Variants in SLC41A2 observed in about 807,000 individuals in gnomAD.
SLC41A2 encodes solute carrier family 41 member 2.
A neutral mutation model predicts 58.3 loss-of-function variants in SLC41A2; 32 were observed. The ratio of observed to expected loss-of-function variants is 0.55; its 90% CI spans 0.41 to 0.74. The LOEUF is 0.74. Among genes scored for constraint, SLC41A2 ranks in the 30% least tolerant of loss-of-function variants. SLC41A2 has a pLI of 0.00. For missense variants in SLC41A2, 514 were observed against 680.6 expected (o/e 0.76, Z 2.72); for synonymous variants, 190 against 235.0 (o/e 0.81, Z 1.75).
intron 10 of SLC41A2, among the ~76,000 whole-genome samples, chr12:104,809,273 C>T (rs187654473): frequency 1.4e-4 from 22 of 152,370 alleles, no homozygotes; most frequent in African/African-American, 4.8e-4. Flanking sequence ...CCCAGGTCCA[C>T]GGTCTAGGCC....
intron 1 of SLC41A2, among the ~76,000 whole-genome samples, chr12:104,954,871 CAAT>C (rs2048092197): frequency 1.3e-5 from 2 of 152,104 alleles, no homozygotes; most frequent in South Asian, 2.1e-4. Flanking sequence ...TACTTTCCAA[CAAT>C]GAGAAAGATT....
chr12:104,810,678 G>T (rs1216247547), intron 10 of SLC41A2, among the ~76,000 whole-genome samples: 1 of 152,132 alleles, frequency 6.6e-6, no homozygotes, highest in Non-Finnish European at 1.5e-5. Context: ...ACATTCTCAG[G>T]AAGTAGGTAG....
At chr12:104,933,581 T>G (rs1179349973) in intron 1 of SLC41A2, among the ~76,000 whole-genome samples, 4 of 149,038 alleles carry the variant, frequency 2.7e-5, no homozygotes. Flanking sequence ...CTTGCACGCG[T>G]ATGTTTATCT....
intron 1 of SLC41A2, among the ~76,000 whole-genome samples, chr12:104,934,452 T>G (rs958212470): frequency 4.6e-5 from 7 of 151,988 alleles, no homozygotes; most frequent in African/African-American, 1.7e-4. Flanking sequence ...GATGAAAAGA[T>G]CCACTACTTA....
At chr12:104,892,314 AATAAAATAAAAT>A (rs2045034893) in intron 4 of SLC41A2, among the ~76,000 whole-genome samples, 3 of 141,654 alleles carry the variant, frequency 2.1e-5, no homozygotes, top group African/African-American at 6.0e-5. Context: ...AATAAAATAA[AATAAAATAAAAT>A]AAAATAAAAT....
rs563251708 is a variant in SLC41A2, at chr12:104,804,880, A to G, written c.*272T>C. The G allele has an allele frequency of 1.7e-4, 41 of 237,936 alleles. No homozygotes were observed. Among genetic ancestry groups the G allele is most frequent in the Non-Finnish European group, 2.4e-4 (30 of 123,254 alleles). 14.7% of individuals were successfully genotyped at this position (237,936 alleles called of 1,614,324 possible). ...TAAAATTATTCACTGTAAACATCCT[A>G]TATTCTTTCCTAATTAATTTCAGAG... On this transcript the variant is annotated 3_prime_UTR_variant, in exon 11 of 11. Transcript: ENST00000258538.
At chr12:104,905,097 G>T (rs539333972) in intron 3 of SLC41A2, among the ~76,000 whole-genome samples, 86 of 152,138 alleles carry the variant, frequency 5.7e-4, no homozygotes, top group African/African-American at 2.0e-3. Context: ...GTCCCCATCA[G>T]ATTAGTTAGA....
intron 10 of SLC41A2, among the ~76,000 whole-genome samples, chr12:104,813,346 AAC>A (rs1383558983): frequency 3.3e-5 from 5 of 152,124 alleles, no homozygotes; most frequent in African/African-American, 1.2e-4. Flanking sequence ...ATAGTAATAA[AAC>A]AATTTATTAA....
At chr12:104,906,475 G>A (rs2045856389) in intron 3 of SLC41A2, among the ~76,000 whole-genome samples, 1 of 152,150 alleles carries the variant, frequency 6.6e-6, no homozygotes, top group Non-Finnish European at 1.5e-5. Context: ...GCAGGCCTCA[G>A]ACCAGGGGGT....
At chr12:104,918,686 G>A (rs2046447902) in intron 2 of SLC41A2, among the ~76,000 whole-genome samples, 1 of 149,850 alleles carries the variant, frequency 6.7e-6, no homozygotes, top group South Asian at 2.1e-4. Flanking sequence ...CCGGGCTAAG[G>A]GTGCATACAG....
chr12:104,882,346 T>C (rs1039012701), intron 6 of SLC41A2, among the ~76,000 whole-genome samples: 2 of 152,218 alleles, frequency 1.3e-5, no homozygotes, highest in Admixed American at 6.5e-5. Context: ...ATGTGTGAAT[T>C]TGATCCTGTC....
At chr12:104,948,939 T>C (rs1213011628) in intron 1 of SLC41A2, among the ~76,000 whole-genome samples, 1 of 152,146 alleles carries the variant, frequency 6.6e-6, no homozygotes, top group East Asian at 1.9e-4. Context: ...CAAATACGGC[T>C]GGGCGTGGTG....
chr12:104,891,525 A>T (rs1219839963), intron 4 of SLC41A2, among the ~76,000 whole-genome samples: 2 of 148,956 alleles, frequency 1.3e-5, no homozygotes, highest in Non-Finnish European at 3.0e-5. Context: ...TTATATATAT[A>T]TTTAACAACT....
chr12:104,827,391 AG>A (rs1301827359), intron 10 of SLC41A2, among the ~76,000 whole-genome samples: 2 of 152,216 alleles, frequency 1.3e-5, no homozygotes, highest in Non-Finnish European at 2.9e-5. Flanking sequence ...AATGGCCCCC[AG>A]GCAAGCCTAC....
chr12:104,820,751 C>T (rs564371326), intron 10 of SLC41A2, among the ~76,000 whole-genome samples: 2 of 152,242 alleles, frequency 1.3e-5, no homozygotes, highest in African/African-American at 4.8e-5. Flanking sequence ...AAGTGATTCT[C>T]CTGCCTCAGC....
At chr12:104,881,282 A>AT (rs1469486101) in intron 6 of SLC41A2, among the ~76,000 whole-genome samples, 3 of 152,040 alleles carry the variant, frequency 2.0e-5, no homozygotes, top group Non-Finnish European at 2.9e-5. Flanking sequence ...GGATTCATTG[A>AT]TTTTTTGAAG....
chr12:104,866,621 A>G (rs1482835199), intron 6 of SLC41A2, 42 bp from the exon 7 acceptor site: 1 of 1,484,520 alleles, frequency 6.7e-7, no homozygotes, highest in Admixed American at 2.1e-5. Context: ...CAACATTTAA[A>G]TCTCTCTTCT....
At chr12:104,866,722 A>G in intron 6 of SLC41A2, 143 bp from the exon 7 acceptor site, 2 of 616,626 alleles carry the variant, frequency 3.2e-6, no homozygotes, top group South Asian at 8.2e-5. Context: ...AACTTCAAAC[A>G]AATTTATAAC....
At chr12:104,936,793 G>A (rs1380848549) in intron 1 of SLC41A2, among the ~76,000 whole-genome samples, 1 of 151,918 alleles carries the variant, frequency 6.6e-6, no homozygotes, top group Non-Finnish European at 1.5e-5. Flanking sequence ...TTAATAAAAA[G>A]GTTTTTAAAA....
Sources: gnomAD v4.1 joint callset for allele counts (sites outside exome capture counted in the v4.1 genomes callset) on GRCh38, gnomAD v4.1.1 for gene constraint, MANE v1.5 for transcripts, NCBI Gene and HGNC (gene_info 2026-07-23, HGNC 2026-07-21) for gene names.